The following PIWIL2 variants were observed in gnomAD, a reference collection of about 807,000 sequenced individuals.
The protein encoded by PIWIL2 is piwi-like protein 2.
A neutral mutation model predicts 116.5 loss-of-function variants in PIWIL2; 81 were observed. That is an observed-to-expected ratio of 0.70 (90% CI 0.58 to 0.84). The LOEUF (loss-of-function observed/expected upper bound fraction) is 0.84. Ranked by LOEUF, PIWIL2 falls within the 40% of genes least tolerant of loss-of-function variation. The probability of loss-of-function intolerance (pLI) is 0.00; values close to 1 mark genes in which losing one functional copy is unlikely to be tolerated. For synonymous variants in PIWIL2, 489 were observed against 429.5 expected, an observed-to-expected ratio of 1.14 and a Z score of -1.71; for missense variants, 1,272 against 1,212.3, an observed-to-expected ratio of 1.05 and a Z score of -0.73.
intron 19 of PIWIL2, 150 bp downstream of exon 19, chr8:22,316,483 T>G: frequency 2.2e-5 from 12 of 546,766 alleles, no homozygotes; most frequent in East Asian, 3.6e-5. Context: ...AATTTTTTTT[T>G]TCGGGGGGGA....
chr8:22,327,556 G>A (rs565069452), intron 20 of PIWIL2, among the ~76,000 whole-genome samples: 3 of 151,544 alleles, frequency 2.0e-5, no homozygotes, highest in African/African-American at 7.3e-5. Context: ...TAGTAGAGAC[G>A]GGGTTTCTCC....
intron 20 of PIWIL2, among the ~76,000 whole-genome samples, chr8:22,320,523 C>G (rs1294811742): frequency 6.6e-6 from 1 of 151,852 alleles, no homozygotes; most frequent in African/African-American, 2.4e-5. Flanking sequence ...GTGATCCGCC[C>G]GCCTCAGCCT....
chr8:22,311,420 A>G (rs940377123), intron 16 of PIWIL2, 120 bp downstream of exon 16: 22 of 758,176 alleles, frequency 2.9e-5, no homozygotes, highest in African/African-American at 2.9e-4. Context: ...TGTCTTACCC[A>G]TGCGCACATG....
At chr8:22,331,744 T>C (rs1029378718) in intron 20 of PIWIL2, among the ~76,000 whole-genome samples, 1 of 151,812 alleles carries the variant, frequency 6.6e-6, no homozygotes, top group African/African-American at 2.4e-5. Flanking sequence ...ATTGGCAGAG[T>C]CGGTTTCTTT....
chr8:22,354,055 C>G (rs551773148), intron 21 of PIWIL2, among the ~76,000 whole-genome samples: 4 of 152,230 alleles, frequency 2.6e-5, no homozygotes, highest in Non-Finnish European at 4.4e-5. Context: ...GGATTACAGG[C>G]ATGAGTCACT....
intron 10 of PIWIL2, among the ~76,000 whole-genome samples, chr8:22,296,020 CTTTTTTTTTTTTTTTTTTTTTTTTT>C (rs67357452): frequency 1.8e-4 from 18 of 102,846 alleles, no homozygotes; most frequent in African/African-American, 6.6e-4. Context: ...CTCTTCCCTT[CTTTTTTTTTTTTTTTTTTTTTTTTT>C]TTTTTTTTTT....
intron 10 of PIWIL2, among the ~76,000 whole-genome samples, chr8:22,290,721 A>G (rs898353779): frequency 2.9e-5 from 4 of 139,186 alleles, no homozygotes; most frequent in African/African-American, 1.1e-4. Context: ...CAAGGTGTTG[A>G]GATTATAGGC....
chr8:22,279,563 A>G lies in PIWIL2; in HGVS notation c.177A>G (p.Thr59=). 1.9e-6 allele frequency: 3 copies of G among 1,614,184 alleles called. No individual in the cohort carries two copies. Among genetic ancestry groups the G allele is most frequent in the Non-Finnish European group, 2.5e-6 (3 of 1,180,012 alleles). ...TTGGAAAGCCAGAGGAACCAAGCAC[A>G]CAGAGGGGGCCAGCACAAAGGGTAA... is the stretch of plus-strand genomic sequence containing the variant. ...HVFGKPEEPS[T]QRGPAQRESV... is the part of the protein sequence containing the mutation. Residue 59 remains threonine, a synonymous_variant, in exon 2 of 23, where the codon ACA becomes ACG. Transcript: ENST00000356766.
chr8:22,339,964 A>G (rs1403955634), intron 20 of PIWIL2, among the ~76,000 whole-genome samples: 2 of 152,150 alleles, frequency 1.3e-5, no homozygotes, highest in East Asian at 1.9e-4. Context: ...AAGGAAAACT[A>G]CAGACCGATG....
At chr8:22,277,161 AC>A (rs1337678705) in intron 1 of PIWIL2, among the ~76,000 whole-genome samples, 2 of 151,930 alleles carry the variant, frequency 1.3e-5, no homozygotes, top group African/African-American at 4.8e-5. Context: ...AGGGGGGATT[AC>A]AGGCATGCAC....
At chr8:22,354,496 G>T in intron 22 of PIWIL2, 118 bp downstream of exon 22, 1 of 571,792 alleles carries the variant, frequency 1.7e-6, no homozygotes, top group South Asian at 2.6e-5. Flanking sequence ...TCATATCTTT[G>T]ACAATTATGG....
intron 20 of PIWIL2, among the ~76,000 whole-genome samples, 157 bp downstream of exon 20, chr8:22,318,432 C>G (rs1407074515): frequency 6.6e-6 from 1 of 152,130 alleles, no homozygotes; most frequent in East Asian, 1.9e-4. Flanking sequence ...GTTCTCCTGC[C>G]TCAGCCTTCC....
At chr8:22,328,445 G>A (rs950474813) in intron 20 of PIWIL2, among the ~76,000 whole-genome samples, 1 of 152,106 alleles carries the variant, frequency 6.6e-6, no homozygotes, top group Non-Finnish European at 1.5e-5. Context: ...GAATTTGAGA[G>A]AAGGTTTTTT....
chr8:22,320,957 A>G (rs976580720), intron 20 of PIWIL2, among the ~76,000 whole-genome samples: 1 of 152,070 alleles, frequency 6.6e-6, no homozygotes, highest in Non-Finnish European at 1.5e-5. Flanking sequence ...TTCCTTTTCC[A>G]TCTCTTACAC....
Position 22,279,464 on chromosome 8 carries a change from C to T in PIWIL2, c.78C>T (p.Gly26=), listed in dbSNP as rs1830450560. 10 of 1,614,020 alleles carry T rather than the reference C, an allele frequency of 6.2e-6. No homozygotes were observed. The highest frequency in any genetic ancestry group is 1.7e-5 in the Admixed American group (1 of 59,986). ...AGTGCCAGGCTGTACGGATGCCAGG[C>T]TGTTGGCCACAAGCTTCTAAACCTT... is the stretch of plus-strand genomic sequence containing the variant. ...PSQCQAVRMP[G]CWPQASKPLD... The change falls in exon 2 of 23, where the codon GGC becomes GGT. Residue 26 remains glycine (G), a synonymous_variant. Transcript: ENST00000356766.
intron 10 of PIWIL2, among the ~76,000 whole-genome samples, chr8:22,290,759 G>T (rs1375578645): frequency 6.6e-6 from 1 of 151,294 alleles, no homozygotes; most frequent in Non-Finnish European, 1.5e-5. Context: ...GCCCTGTTTA[G>T]ATTTTTAGTT....
In PIWIL2 at chr8:22,287,618, T is replaced by A; in HGVS notation, c.834T>A (p.Ile278=). ...ACGTCACTGCGTTTGATGGATCTAT[T>A]CTCTATCTGCCTGTTAAGCTTCAAC... ...TGNVTAFDGS[I]LYLPVKLQQV... The change falls in exon 7 of 23, where the codon ATT becomes ATA. Residue 278 remains isoleucine, a synonymous_variant. Transcript: ENST00000356766. 1 of 1,609,766 alleles carries A rather than the reference T, an allele frequency of 6.2e-7. No individual in the cohort carries two copies. The highest frequency in any genetic ancestry group is 8.5e-7 in the Non-Finnish European group (1 of 1,175,974).
At chr8:22,280,020 T>C (rs1438105531) in intron 2 of PIWIL2, among the ~76,000 whole-genome samples, 1 of 152,180 alleles carries the variant, frequency 6.6e-6, no homozygotes, top group Non-Finnish European at 1.5e-5. Context: ...GTTGTCTTTT[T>C]TTTTCTTTAA....
intron 11 of PIWIL2, 114 bp downstream of exon 11, chr8:22,304,323 T>A: frequency 2.9e-6 from 2 of 681,276 alleles, no homozygotes; most frequent in Admixed American, 2.4e-5. Context: ...TCAAAATAAT[T>A]GAATTGGTAA....
Sources: allele counts gnomAD v4.1 joint callset (sites outside exome capture counted in the v4.1 genomes callset), GRCh38; gene constraint gnomAD v4.1.1; transcripts MANE v1.5; gene names NCBI Gene and HGNC (gene_info 2026-07-23, HGNC 2026-07-21).